Variants in USP20 observed in about 807,000 individuals in gnomAD.
USP20 encodes the protein ubiquitin carboxyl-terminal hydrolase 20.
In USP20, 80 loss-of-function variants were observed where a neutral mutation model predicts 124.2. The observed-to-expected ratio is 0.64, with a 90% CI of 0.54 to 0.78. The LOEUF is 0.78. USP20 is among the 30% of genes least tolerant of loss of function. The probability of loss-of-function intolerance (pLI) is 0.00; values close to 1 mark genes in which losing one functional copy is unlikely to be tolerated. For missense variants in USP20, 1,043 were observed against 1,244.4 expected, an observed-to-expected ratio of 0.84 and a Z score of 2.44; for synonymous variants, 481 against 512.3, an observed-to-expected ratio of 0.94 and a Z score of 0.83.
Position 129,868,933 on chromosome 9 carries a change from G to A in USP20, c.1207G>A (p.Ala403Thr). 1 of 1,612,752 alleles carries A rather than the reference G, an allele frequency of 6.2e-7. No homozygotes were observed. The highest frequency in any genetic ancestry group is 8.5e-7 in the Non-Finnish European group (1 of 1,179,356). Residue 403 changes from alanine to threonine, a missense_variant, in exon 12 of 26, where the codon GCC becomes ACC. Coordinates refer to ENST00000372429, the MANE Select transcript of USP20 (RefSeq NM_001110303.4). Reference sequence around the variant, plus strand: ...CCCCGTCCACCACCACGAGGGCCATGCCAAGCTGTCTAGCAGCCCCCCTCG... The same window carrying A: ...CCCCGTCCACCACCACGAGGGCCATACCAAGCTGTCTAGCAGCCCCCCTCG... ...CSPVHHHEGH[A>T]KLSSSPPRAS...
rs185753652 is a variant in USP20, at chr9:129,879,468, C to T, written c.2513-105C>T. Reference sequence around the variant, plus strand: ...GGCGCCTCATCCATTAGAGACTTCACGCTGACCCCCAGGCCTGGGGCGGCC... The same window carrying T: ...GGCGCCTCATCCATTAGAGACTTCATGCTGACCCCCAGGCCTGGGGCGGCC... On this transcript the variant is annotated intron_variant, in intron 23 of 25. Coordinates refer to ENST00000372429, the MANE Select transcript of USP20 (RefSeq NM_001110303.4). The surrounding 1 kb of genome is among the most constrained non-coding windows in gnomAD (Gnocchi z 4.2). 422 of 1,176,848 alleles carry T rather than the reference C, an allele frequency of 3.6e-4. No individual in the cohort carries two copies. In the African/African-American group the frequency reaches 5.4e-3, roughly 15 times the overall value. 72.9% of individuals were successfully genotyped at this position (1,176,848 alleles called of 1,614,324 possible).
intron 8 of USP20, among the ~76,000 whole-genome samples, chr9:129,862,158 G>A (rs369319226): frequency 1.3e-5 from 2 of 152,100 alleles, no homozygotes; most frequent in Non-Finnish European, 1.5e-5. Context: ...AGCAGAGAGG[G>A]AATGGGTACA....
At chr9:129,854,372 G>T (rs958667033) in intron 3 of USP20, among the ~76,000 whole-genome samples, 2 of 152,166 alleles carry the variant, frequency 1.3e-5, no homozygotes, top group Non-Finnish European at 2.9e-5. Flanking sequence ...AGGAATGGGG[G>T]AATCAATTAT....
At chr9:129,874,522 C>T (rs1358485457) in intron 17 of USP20, 54 bp from the exon 18 acceptor site, 27 of 1,597,312 alleles carry the variant, frequency 1.7e-5, no homozygotes, top group Middle Eastern at 3.3e-4. Flanking sequence ...GGCAAGGCTG[C>T]GAGGGCCCGC....
chr9:129,851,115 C>G (rs76977578), intron 2 of USP20, among the ~76,000 whole-genome samples: 1 of 152,020 alleles, frequency 6.6e-6, no homozygotes, highest in Admixed American at 6.6e-5. Flanking sequence ...GCTAAAATAC[C>G]GTAGGTGAAG....
chr9:129,836,766 T>C (rs1436516022), intron 1 of USP20, among the ~76,000 whole-genome samples: 1 of 152,166 alleles, frequency 6.6e-6, no homozygotes, highest in South Asian at 2.1e-4. Context: ...AGTCTCAAAG[T>C]CTTGCCCTCT....
At position 129,881,810 on chromosome 9, in the gene USP20, T is replaced by C. The variant is rs2034646994; in HGVS notation, c.*1360T>C. 1 of 152,292 alleles carries C rather than the reference T, an allele frequency of 6.6e-6. No homozygotes were observed. Among genetic ancestry groups the C allele is most frequent in the Non-Finnish European group, 1.5e-5 (1 of 68,056 alleles). The allele number at this position is 152,292 out of a possible 1,614,324, so 9.4% of individuals were successfully genotyped here. On this transcript the variant is annotated 3_prime_UTR_variant, in exon 26 of 26. Transcript: ENST00000372429. Reference sequence around the variant, plus strand: ...CTAGTTTGTGTTCAAAATGTCAGAATAAACACAGAATAAATGTTCCCACGG... The same window carrying C: ...CTAGTTTGTGTTCAAAATGTCAGAACAAACACAGAATAAATGTTCCCACGG...
intron 1 of USP20, among the ~76,000 whole-genome samples, chr9:129,846,247 A>ATAT (rs1554742656): frequency 0.019 from 632 of 32,764 alleles, 43 homozygotes; most frequent in Non-Finnish European, 0.026. Flanking sequence ...ATATATATAT[A>ATAT]TTTTTTTTTT....
intron 1 of USP20, among the ~76,000 whole-genome samples, chr9:129,837,747 A>G (rs1161764468): frequency 2.6e-5 from 4 of 152,178 alleles, no homozygotes; most frequent in Admixed American, 6.5e-5. Context: ...AAATTAGCGC[A>G]TTCTGGTTTG....
chr9:129,873,420 T>G, intron 15 of USP20, 62 bp from the exon 16 acceptor site: 1 of 1,566,874 alleles, frequency 6.4e-7, no homozygotes. Flanking sequence ...TTATAGTCAC[T>G]TTTTTTTGCT....
At chr9:129,849,501 A>G (rs1308771665) in intron 1 of USP20, among the ~76,000 whole-genome samples, 3 of 152,190 alleles carry the variant, frequency 2.0e-5, no homozygotes, top group African/African-American at 4.8e-5. Flanking sequence ...GCTCACGCCT[A>G]TAATCTCAGC....
At chr9:129,851,783 T>C (rs1479632048) in intron 2 of USP20, among the ~76,000 whole-genome samples, 1 of 151,986 alleles carries the variant, frequency 6.6e-6, no homozygotes, top group African/African-American at 2.4e-5. Context: ...TGAACGTGTA[T>C]CAGTTAGACA....
Position 129,844,374 on chromosome 9 carries a change from C to T in USP20, c.-128-5439C>T, listed in dbSNP as rs572736545. On this transcript the variant is annotated intron_variant, in intron 1 of 25. Transcript: ENST00000372429. ...GGCATGGTGGCTCACGCCTGTAATC[C>T]CAGCACTTTGGGAGGCCCAGGCAGA... is the stretch of plus-strand genomic sequence containing the variant. Among the ~76,000 whole-genome samples, 7 of 151,946 alleles carry T rather than the reference C, an allele frequency of 4.6e-5. No homozygotes were observed. The East Asian group carries it at 1.2e-3, about 25-fold the overall frequency.
At chr9:129,868,531 G>A in intron 11 of USP20, 82 bp downstream of exon 11, 1 of 1,491,232 alleles carries the variant, frequency 6.7e-7, no homozygotes, top group Non-Finnish European at 8.9e-7. Context: ...ACCTGCAGTA[G>A]CCCCCGGGGG....
At chr9:129,869,132 A>G (rs2033985524) in intron 12 of USP20, 130 bp downstream of exon 12, 1 of 1,414,072 alleles carries the variant, frequency 7.1e-7, no homozygotes, top group Non-Finnish European at 9.5e-7. Context: ...CCCCTGAGAC[A>G]CCAGTGTGGG....
chr9:129,868,511 C>T lies in USP20; in HGVS notation c.1135+62C>T. ...CCTATGGCCCAGTACCTACCGGGTG[C>T]TGAGCGCCGACCTGCAGTAGCCCCC... On this transcript the variant is annotated intron_variant, in intron 11 of 25. Coordinates refer to ENST00000372429, the MANE Select transcript of USP20 (RefSeq NM_001110303.4). 29 of 1,532,280 alleles carry T rather than the reference C, an allele frequency of 1.9e-5. No homozygotes were observed. In the South Asian group the frequency reaches 2.7e-4, roughly 14 times the overall value. The allele number at this position is 1,532,280 out of a possible 1,614,324, so 94.9% of individuals were successfully genotyped here.
At chr9:129,846,247 A>ATATATATTTT (rs1554742656) in intron 1 of USP20, among the ~76,000 whole-genome samples, 1 of 32,664 alleles carries the variant, frequency 3.1e-5, no homozygotes, top group African/African-American at 1.2e-4. Context: ...ATATATATAT[A>ATATATATTTT]TTTTTTTTTT....
intron 1 of USP20, among the ~76,000 whole-genome samples, chr9:129,847,529 C>T (rs1356564213): frequency 1.3e-5 from 2 of 151,982 alleles, no homozygotes; most frequent in Non-Finnish European, 2.9e-5. Context: ...TCTCCAACTC[C>T]TGATCTCATG....
intron 14 of USP20, 60 bp from the exon 15 acceptor site, chr9:129,870,378 CTCAGCCAGAGTCCCT>C: frequency 2.0e-6 from 3 of 1,514,738 alleles, no homozygotes; most frequent in Non-Finnish European, 2.7e-6. Flanking sequence ...CCTGACAGAC[CTCAGCCAGAGTCCCT>C]TCAGCTCCTG....
Sources: gnomAD v4.1 joint callset for allele counts (sites outside exome capture counted in the v4.1 genomes callset) on GRCh38, gnomAD v4.1.1 for gene constraint, Gnocchi (gnomAD v3.1) non-coding constraint, MANE v1.5 for transcripts, NCBI Gene and HGNC (gene_info 2026-07-23, HGNC 2026-07-21) for gene names.